GRAMD1C: variants seen among roughly 807,000 people sequenced by gnomAD.
GRAMD1C encodes the protein GRAM domain containing 1C, also known as protein Aster-C.
In GRAMD1C, 89 loss-of-function variants were observed where a neutral mutation model predicts 97.8. The observed-to-expected ratio is 0.91, with a 90% CI of 0.77 to 1.09. The LOEUF is 1.09. Ranked by LOEUF, GRAMD1C falls within the 50% of genes least tolerant of loss-of-function variation. The pLI is 0.00. For synonymous variants in GRAMD1C, 256 were observed against 267.0 expected (o/e 0.96, Z 0.40); for missense variants, 740 against 766.4 (o/e 0.97, Z 0.41).
intron 2 of GRAMD1C, among the ~76,000 whole-genome samples, chr3:113,864,114 T>C (rs958356766): frequency 1.3e-5 from 2 of 152,084 alleles, no homozygotes; most frequent in Admixed American, 1.3e-4. Flanking sequence ...GCTGCCTAGA[T>C]ACTTTATTTT....
intron 2 of GRAMD1C, among the ~76,000 whole-genome samples, chr3:113,855,639 A>T (rs1207013206): frequency 1.3e-5 from 2 of 151,472 alleles, no homozygotes; most frequent in Non-Finnish European, 2.9e-5. Flanking sequence ...CAGGAGATGG[A>T]GGTTGCAGTG....
upstream of GRAMD1C, among the ~76,000 whole-genome samples, chr3:113,836,139 C>A (rs1414874319): frequency 6.6e-6 from 1 of 152,066 alleles, no homozygotes; most frequent in East Asian, 1.9e-4. Flanking sequence ...TGGTGGGCGC[C>A]TGTAGTCCCA....
At chr3:113,857,043 T>G (rs1438891438) in intron 2 of GRAMD1C, among the ~76,000 whole-genome samples, 1 of 152,110 alleles carries the variant, frequency 6.6e-6, no homozygotes, top group African/African-American at 2.4e-5. Flanking sequence ...GTCACCATGT[T>G]GCCCAGGCTG....
rs80264980 is a variant in GRAMD1C, at chr3:113,930,504, A to G, written c.1091-210A>G. On this transcript the variant is annotated intron_variant, in intron 10 of 17. Transcript: ENST00000358160. ...TAATAAACAATTTAGAAATAAATGG[A>G]TCAGAGATGGGGAATATGCCACATT... is the stretch of plus-strand genomic sequence containing the variant. Among the ~76,000 whole-genome samples, 20 of 152,344 alleles carry G rather than the reference A, an allele frequency of 1.3e-4. No individual in the cohort carries two copies. The East Asian group carries it at 3.3e-3, about 25-fold the overall frequency.
At chr3:113,897,938 G>A (rs1936003519) in intron 6 of GRAMD1C, 1 of 165,110 alleles carries the variant, frequency 6.1e-6, no homozygotes, top group Non-Finnish European at 1.2e-5. Flanking sequence ...ATGTTTGAAT[G>A]TTCAACATGG....
At chr3:113,867,220 G>A (rs1043047059) in intron 2 of GRAMD1C, among the ~76,000 whole-genome samples, 8 of 152,058 alleles carry the variant, frequency 5.3e-5, no homozygotes, top group South Asian at 2.1e-4. Flanking sequence ...TATTTCTGGC[G>A]GTTTTAATTT....
At position 113,936,350 on chromosome 3, in the gene GRAMD1C, G is replaced by A. The variant is rs770757111; in HGVS notation, c.1541G>A (p.Arg514Gln). Residue 514 changes from arginine to glutamine, a missense_variant, in exon 14 of 18, where the codon CGA becomes CAA. Coordinates refer to ENST00000358160, the MANE Select transcript of GRAMD1C (RefSeq NM_017577.5). ...GKLTGLRRRR[R>Q]TFNRTAETVP... ...CTTACTGGCCTACGAAGGAGAAGGC[G>A]AACCTTCAACCGAACAGCAGAAACA... 8.7e-6 allele frequency: 14 copies of A among 1,612,196 alleles called. No homozygotes were observed. Among genetic ancestry groups the A allele is most frequent in the South Asian group, 2.2e-5 (2 of 91,058 alleles).
chr3:113,848,081 A>T (rs771722928), intron 2 of GRAMD1C, among the ~76,000 whole-genome samples: 4 of 152,258 alleles, frequency 2.6e-5, no homozygotes, highest in Non-Finnish European at 5.9e-5. Context: ...AATAATTCAT[A>T]TGTTCTAGCC....
At chr3:113,944,400 TAGC>T (rs1462136726) in intron 17 of GRAMD1C, among the ~76,000 whole-genome samples, 1 of 152,236 alleles carries the variant, frequency 6.6e-6, no homozygotes, top group African/African-American at 2.4e-5. Context: ...AATGTTCAGA[TAGC>T]AGCAACTCCC....
intron 2 of GRAMD1C, among the ~76,000 whole-genome samples, chr3:113,848,479 A>G (rs1386508904): frequency 2.0e-5 from 3 of 146,770 alleles, no homozygotes; most frequent in Non-Finnish European, 4.5e-5. Flanking sequence ...AAAGATAGGA[A>G]TCTTAGTTGT....
chr3:113,885,763 A>G, intron 6 of GRAMD1C: 2 of 1,591,258 alleles, frequency 1.3e-6, no homozygotes, highest in Non-Finnish European at 1.7e-6. Flanking sequence ...AAGAGGAGAT[A>G]TTACAGACAG....
chr3:113,928,619 A>G (rs1204577734), intron 10 of GRAMD1C, among the ~76,000 whole-genome samples: 1 of 152,164 alleles, frequency 6.6e-6, no homozygotes, highest in Non-Finnish European at 1.5e-5. Flanking sequence ...ATACCTGTTG[A>G]ATGGTAACGC....
intron 6 of GRAMD1C, among the ~76,000 whole-genome samples, chr3:113,887,422 C>T (rs963805406): frequency 6.7e-5 from 10 of 149,542 alleles, no homozygotes; most frequent in South Asian, 2.3e-4. Context: ...AAAATGAGGC[C>T]GGGCACTGTG....
At chr3:113,907,244 G>A (rs148460549) in intron 8 of GRAMD1C, among the ~76,000 whole-genome samples, 4 of 152,266 alleles carry the variant, frequency 2.6e-5, no homozygotes, top group African/African-American at 7.2e-5. Context: ...TCTCCTCTGA[G>A]TAAATGTTGG....
chr3:113,900,409 A>AATTATGATTATTATTATTATTATT (rs1936120599), intron 6 of GRAMD1C, among the ~76,000 whole-genome samples: 1 of 137,464 alleles, frequency 7.3e-6, no homozygotes, highest in Non-Finnish European at 1.5e-5. Flanking sequence ...AGTATGAACA[A>AATTATGATTATTATTATTATTATT]ATTATTATTA....
chr3:113,836,445 C>T (rs4359785), upstream of GRAMD1C, among the ~76,000 whole-genome samples: 148,415 of 152,118 alleles, frequency 0.98, 72,521 homozygotes, highest in East Asian at 1. Flanking sequence ...ATTAACGTTT[C>T]GCTATTTTGT....
upstream of GRAMD1C, chr3:113,838,660 T>G: frequency 2.8e-6 from 1 of 362,278 alleles, no homozygotes. Flanking sequence ...GCACAGTAGT[T>G]TGAGGTTGGG....
chr3:113,839,074 A>C (rs769801708), intron 1 of GRAMD1C, 138 bp downstream of exon 1: 25 of 571,576 alleles, frequency 4.4e-5, no homozygotes, highest in Non-Finnish European at 6.2e-5. Context: ...AGTAATACGG[A>C]AAGTTGTTAC....
At chr3:113,901,210 C>CTAATT in intron 7 of GRAMD1C, 64 bp downstream of exon 7, 2 of 856,008 alleles carry the variant, frequency 2.3e-6, no homozygotes, top group Non-Finnish European at 3.9e-6. Context: ...AATTATTTTA[C>CTAATT]ATTCGACTAA....
Sources: allele counts gnomAD v4.1 joint callset (sites outside exome capture counted in the v4.1 genomes callset), GRCh38; gene constraint gnomAD v4.1.1; transcripts MANE v1.5; gene names NCBI Gene and HGNC (gene_info 2026-07-23, HGNC 2026-07-21).